Variants in BRF1 observed in about 807,000 individuals in gnomAD.
BRF1 encodes transcription factor IIIB 90 kDa subunit.
A neutral mutation model predicts 81.7 loss-of-function variants in BRF1; 59 were observed. That is an observed-to-expected ratio of 0.72 (90% confidence interval 0.59 to 0.90). BRF1 has a LOEUF of 0.90. Ranked by LOEUF, BRF1 falls within the 40% of genes least tolerant of loss-of-function variation. BRF1 has a pLI of 0.00. For missense variants in BRF1, 1,050 were observed against 936.3 expected, an observed-to-expected ratio of 1.12 and a Z score of -1.58; for synonymous variants, 491 against 395.6, an observed-to-expected ratio of 1.24 and a Z score of -2.86.
chr14:105,217,188 C>G (rs1891467584), intron 15 of BRF1: 1 of 387,740 alleles, frequency 2.6e-6, no homozygotes, highest in Admixed American at 4.0e-5. Context: ...CCAGGGTGCG[C>G]AGAGCAGGCA....
At chr14:105,273,797 G>C (rs587744080) in intron 2 of BRF1, among the ~76,000 whole-genome samples, 5 of 152,322 alleles carry the variant, frequency 3.3e-5, no homozygotes, top group African/African-American at 1.2e-4. Context: ...CCTCTGCCCT[G>C]GAAAGCCGGG....
chr14:105,217,712 G>C lies in BRF1; in HGVS notation c.1604C>G (p.Ser535Cys). Residue 535 changes from serine (S) to cysteine (C), a missense_variant, in exon 15 of 18, where the codon TCC (serine) becomes TGC (cysteine). Transcript: ENST00000547530. ...GAGCACGCTATAATTGATCTTGCTG[G>C]AGATCTTCTTCTGCTCCAGCATCTT... ...IEKMLEQKKI[S>C]SKINYSVLRG... The C allele has an allele frequency of 1.9e-6, 3 of 1,613,416 alleles. No homozygotes were observed. The highest frequency in any genetic ancestry group is 1.1e-5 in the South Asian group (1 of 91,084).
intron 5 of BRF1, among the ~76,000 whole-genome samples, chr14:105,245,353 T>C (rs1379902762): frequency 6.6e-6 from 1 of 151,196 alleles, no homozygotes; most frequent in Admixed American, 6.6e-5. Context: ...AGAGCAAGAC[T>C]CCATCTCAAA....
chr14:105,303,501 C>G (rs1190837977), upstream of BRF1, among the ~76,000 whole-genome samples: 2 of 152,228 alleles, frequency 1.3e-5, no homozygotes, highest in African/African-American at 4.8e-5. Flanking sequence ...TCTCGCCCTC[C>G]CAAAGTGCTG....
At chr14:105,260,910 G>A (rs1360147034) in intron 3 of BRF1, among the ~76,000 whole-genome samples, 4 of 152,176 alleles carry the variant, frequency 2.6e-5, no homozygotes, top group African/African-American at 4.8e-5. Context: ...ATCCCGGGAG[G>A]GCCTACTAAT....
intron 1 of BRF1, among the ~76,000 whole-genome samples, chr14:105,313,648 G>A (rs764284818): frequency 3.3e-5 from 5 of 152,268 alleles, no homozygotes; most frequent in Non-Finnish European, 7.3e-5. Context: ...CGTGGGCCAG[G>A]AAAGAAACCA....
intron 1 of BRF1, among the ~76,000 whole-genome samples, chr14:105,293,644 C>G (rs758555743): frequency 3.9e-5 from 6 of 152,210 alleles, no homozygotes; most frequent in Non-Finnish European, 5.9e-5. Context: ...GCACTGCCAA[C>G]GGCCCCCAAC....
rs751677070 is a variant in BRF1, at chr14:105,249,991, G to C, written c.544+2516C>G. 3.7e-6 allele frequency: 6 copies of C among 1,612,622 alleles called. No homozygotes were observed. In the South Asian group the frequency reaches 4.4e-5, roughly 12 times the overall value. On this transcript the variant is annotated intron_variant, in intron 5 of 17. Coordinates refer to ENST00000547530, the MANE Select transcript of BRF1 (RefSeq NM_001519.4). ...CCGTCCTGAACTGGGCCGAGGCGGA[G>C]TGCAAGAGGCAGGGGCTGCCAATCA...
At chr14:105,287,341 G>A (rs987150943) in intron 1 of BRF1, among the ~76,000 whole-genome samples, 3 of 152,180 alleles carry the variant, frequency 2.0e-5, no homozygotes, top group African/African-American at 7.2e-5. Context: ...CAAACGCTGC[G>A]GCCTGATCTT....
intron 1 of BRF1, among the ~76,000 whole-genome samples, chr14:105,288,555 C>T (rs373220699): frequency 4.7e-4 from 71 of 151,870 alleles, no homozygotes; most frequent in Middle Eastern, 6.8e-3. Context: ...TTTGGGAGGC[C>T]GGAGCAGGAA....
Position 105,224,245 on chromosome 14 carries a change from T to C in BRF1, c.1048+1824A>G, listed in dbSNP as rs587742768. Among the ~76,000 whole-genome samples the C allele has an allele frequency of 2.6e-5, 4 of 152,352 alleles. No individual in the cohort carries two copies. The South Asian group carries it at 8.3e-4, about 32-fold the overall frequency. ...TTAGCTGGGCGTGGTGGCGCATGCC[T>C]GTAGTCCCAACTACTCAGGAGGGTG... On this transcript the variant is annotated intron_variant, in intron 10 of 17. Transcript: ENST00000547530.
At chr14:105,249,592 G>T in intron 5 of BRF1, 1 of 1,587,136 alleles carries the variant, frequency 6.3e-7, no homozygotes, top group Non-Finnish European at 8.6e-7. Flanking sequence ...CCAGCCCCGC[G>T]ATGGGTGCTT....
At position 105,271,432 on chromosome 14, in the gene BRF1, A is replaced by G. The variant is rs906881299; in HGVS notation, c.439+1289T>C. On this transcript the variant is annotated intron_variant, in intron 3 of 17. Transcript: ENST00000547530. This position sits in a 1 kb window ranked among gnomAD's most constrained non-coding sequence, Gnocchi z 5.5. ...GGAGGCAAGGCGACGGCAGGGGCGCAGGCTGGGAGGCAGACATGTGGCCGG... is the reference window on the plus strand; with the variant it reads ...GGAGGCAAGGCGACGGCAGGGGCGCGGGCTGGGAGGCAGACATGTGGCCGG... Among the ~76,000 whole-genome samples, 1 of 152,240 alleles carries G rather than the reference A, an allele frequency of 6.6e-6. No individual in the cohort carries two copies.
chr14:105,229,242 G>T (rs2054312226), intron 6 of BRF1, among the ~76,000 whole-genome samples: 1 of 152,242 alleles, frequency 6.6e-6, no homozygotes, highest in Admixed American at 6.5e-5. Context: ...ATGGGAGCTG[G>T]GGACTCTGAG....
In BRF1 at chr14:105,269,445, C is replaced by T. The variant is rs920184921; in HGVS notation, c.439+3276G>A. 2.6e-5 allele frequency among the ~76,000 whole-genome samples: 4 copies of T among 152,108 alleles called. No individual in the cohort carries two copies. Among genetic ancestry groups the T allele is most frequent in the Non-Finnish European group, 4.4e-5 (3 of 68,014 alleles). On this transcript the variant is annotated intron_variant, in intron 3 of 17. Coordinates refer to ENST00000547530, the MANE Select transcript of BRF1 (RefSeq NM_001519.4). The surrounding 1 kb of genome is among the most constrained non-coding windows in gnomAD (Gnocchi z 5.0). ...ACAAACCTGCCTGTTCACAGTGCAC[C>T]GGGCAGTGGGTTTTCGTAAATCCCC...
chr14:105,219,812 A>G (rs1891966202), intron 12 of BRF1: 3 of 560,714 alleles, frequency 5.4e-6, no homozygotes, highest in East Asian at 5.9e-5. Context: ...TGCCTGCTGC[A>G]GGCTATGTGC....
chr14:105,244,086 A>AT (rs2054911889), intron 5 of BRF1, among the ~76,000 whole-genome samples: 1 of 152,078 alleles, frequency 6.6e-6, no homozygotes, highest in African/African-American at 2.4e-5. Flanking sequence ...AGGTGGGAGG[A>AT]TTGCTTGAGC....
intron 15 of BRF1, 83 bp downstream of exon 15, chr14:105,217,461 C>CT: frequency 6.4e-7 from 1 of 1,556,876 alleles, no homozygotes; most frequent in African/African-American, 1.4e-5. Context: ...GGCTGGCCCC[C>CT]GGCAGCTCCA....
intron 7 of BRF1, 115 bp downstream of exon 7, chr14:105,228,705 A>G (rs1418748397): frequency 5.0e-6 from 6 of 1,204,104 alleles, no homozygotes; most frequent in South Asian, 2.6e-5. Context: ...CCTGGCCAGC[A>G]GCCAGGCGGG....
Sources: allele counts gnomAD v4.1 joint callset (sites outside exome capture counted in the v4.1 genomes callset), GRCh38; gene constraint gnomAD v4.1.1; non-coding constraint Gnocchi (gnomAD v3.1); transcripts MANE v1.5; gene names NCBI Gene and HGNC (gene_info 2026-07-23, HGNC 2026-07-21).